The following FAT3 variants were observed in gnomAD, a reference collection of about 807,000 sequenced individuals.
FAT3 encodes protocadherin Fat 3.
In FAT3, 95 loss-of-function variants were observed where a neutral mutation model predicts 310.2. The ratio of observed to expected loss-of-function variants is 0.31; its 90% CI spans 0.26 to 0.36. The LOEUF (loss-of-function observed/expected upper bound fraction) is 0.36. FAT3 is among the 10% of genes least tolerant of loss of function. The probability of loss-of-function intolerance (pLI) is 1.00; values close to 1 mark genes in which losing one functional copy is unlikely to be tolerated. For missense variants in FAT3, 5,408 were observed against 5,715.6 expected (o/e 0.95, Z 1.74); for synonymous variants, 2,314 against 2,192.9 (o/e 1.06, Z -1.54).
intron 3 of FAT3, among the ~76,000 whole-genome samples, chr11:92,570,370 TTGTG>T (rs1016412440): frequency 1.3e-5 from 2 of 152,168 alleles, no homozygotes; most frequent in Admixed American, 1.3e-4. Context: ...CAATGAAGGA[TTGTG>T]TGTGAGACAG....
intron 22 of FAT3, among the ~76,000 whole-genome samples, chr11:92,876,436 A>G (rs555884461): frequency 6.6e-6 from 1 of 152,310 alleles, no homozygotes; most frequent in South Asian, 2.1e-4. Context: ...AAGCAAGCAT[A>G]CCTCAGACTT....
Position 92,762,181 on chromosome 11 carries a change from C to T in FAT3, c.3984+11C>T, listed in dbSNP as rs2136086791. On this transcript the variant is annotated intron_variant, in intron 5 of 27. Transcript: ENST00000525166. ...TATGACATCCTAACGGTAAGATCTT[C>T]CAAACTCCAGCAGCACAGCAGATGG... 6.2e-7 allele frequency: 1 copy of T among 1,601,610 alleles called. No homozygotes were observed. Among genetic ancestry groups the T allele is most frequent in the Non-Finnish European group, 8.5e-7 (1 of 1,172,762 alleles).
chr11:92,798,134 T>C lies in FAT3; in HGVS notation c.5121T>C (p.Asp1707=), dbSNP rs761768064. The part of the protein sequence containing the change: ...SQSTLIYEVK[D]GDINGIFTIN... ...CTACCCTCATTTATGAAGTCAAAGA[T>C]GGAGACATTAATGGGATCTTTACCA... Residue 1707 remains aspartate (D), a synonymous_variant, in exon 10 of 28, where the codon GAT becomes GAC. Transcript: ENST00000525166. The C allele has an allele frequency of 1.9e-6, 3 of 1,613,948 alleles. No individual in the cohort carries two copies. Among genetic ancestry groups the C allele is most frequent in the Admixed American group, 1.7e-5 (1 of 60,020 alleles).
chr11:92,271,654 G>A (rs1226209171), intron 1 of FAT3, among the ~76,000 whole-genome samples: 3 of 152,142 alleles, frequency 2.0e-5, no homozygotes, highest in Admixed American at 6.5e-5. Flanking sequence ...AATACTGATT[G>A]ACTGAGTGAC....
intron 1 of FAT3, among the ~76,000 whole-genome samples, chr11:92,313,333 A>G (rs1219437877): frequency 2.0e-5 from 3 of 152,094 alleles, no homozygotes; most frequent in African/African-American, 7.2e-5. Flanking sequence ...TTCTTCCACC[A>G]CTTCACAATA....
chr11:92,835,635 T>G (rs1948386723), intron 15 of FAT3, among the ~76,000 whole-genome samples: 1 of 152,184 alleles, frequency 6.6e-6, no homozygotes, highest in African/African-American at 2.4e-5. Context: ...AACATCACTT[T>G]GTACCCCATA....
intron 2 of FAT3, among the ~76,000 whole-genome samples, chr11:92,369,705 G>A (rs577310054): frequency 6.6e-6 from 1 of 152,052 alleles, no homozygotes; most frequent in Non-Finnish European, 1.5e-5. Flanking sequence ...AAATTAGCTA[G>A]GTATGGTAGC....
chr11:92,769,139 G>A (rs150306099), intron 6 of FAT3, among the ~76,000 whole-genome samples: 92 of 152,168 alleles, frequency 6.0e-4, no homozygotes, highest in Non-Finnish European at 1.1e-3. Flanking sequence ...CCCTTGCATC[G>A]AGGATCTGTC....
intron 3 of FAT3, among the ~76,000 whole-genome samples, chr11:92,587,687 C>T (rs1939223783): frequency 6.6e-6 from 1 of 151,896 alleles, no homozygotes. Context: ...TAGAATTTCT[C>T]ATCCTCAGGG....
chr11:92,647,223 A>G (rs1942201040), intron 3 of FAT3, among the ~76,000 whole-genome samples: 1 of 152,138 alleles, frequency 6.6e-6, no homozygotes, highest in African/African-American at 2.4e-5. Flanking sequence ...CTTTCCACAA[A>G]CTCAGTTGAG....
rs1406989898 is a variant in FAT3, at chr11:92,894,161, A to G, written c.*3048A>G. The G allele has an allele frequency of 6.6e-6, 1 of 152,182 alleles. No homozygotes were observed. Among genetic ancestry groups the G allele is most frequent in the African/African-American group, 2.4e-5 (1 of 41,444 alleles). The allele number at this position is 152,182 out of a possible 1,614,324, so 9.4% of individuals were successfully genotyped here. A position where few individuals can be genotyped will look rare whatever the true frequency, so the allele number is the denominator to read the frequency against. On this transcript the variant is annotated 3_prime_UTR_variant, in exon 28 of 28. Coordinates refer to ENST00000525166, the MANE Select transcript of FAT3 (RefSeq NM_001367949.2). ...AGAATATTTTTCTGAAAGCCTCATGATCTTATGTTTCCTTGCAGTCCCCCT... is the reference window on the plus strand; with the variant it reads ...AGAATATTTTTCTGAAAGCCTCATGGTCTTATGTTTCCTTGCAGTCCCCCT...
At chr11:92,835,120 T>C in intron 15 of FAT3, 36 bp downstream of exon 15, 1 of 1,549,948 alleles carries the variant, frequency 6.5e-7, no homozygotes, top group Non-Finnish European at 8.8e-7. Context: ...TCTAGATGTT[T>C]GGGACTAGTC....
intron 2 of FAT3, among the ~76,000 whole-genome samples, chr11:92,403,544 G>A (rs1476442394): frequency 6.6e-6 from 1 of 152,134 alleles, no homozygotes; most frequent in Non-Finnish European, 1.5e-5. Context: ...GTACAATATA[G>A]GAAGATATAA....
chr11:92,809,928 G>A lies in FAT3; in HGVS notation c.9333G>A (p.Arg3111=), dbSNP rs1388344926. The change falls in exon 13 of 28, where the codon AGG becomes AGA. Residue 3111 remains arginine (R), a synonymous_variant. Transcript: ENST00000525166. The part of the protein sequence containing the change: ...LMAKATDGGG[R]FCQSNIHLIL... The stretch of plus-strand genomic sequence containing the variant: ...CCAAGGCCACTGACGGGGGTGGCAG[G>A]TTCTGCCAGTCCAACATCCACCTAA... The A allele has an allele frequency of 2.5e-6, 4 of 1,613,802 alleles. No homozygotes were observed. Among genetic ancestry groups the A allele is most frequent in the African/African-American group, 1.3e-5 (1 of 74,946 alleles).
chr11:92,529,843 A>G (rs1336637792), intron 3 of FAT3, among the ~76,000 whole-genome samples: 2 of 152,096 alleles, frequency 1.3e-5, no homozygotes, highest in Non-Finnish European at 2.9e-5. Flanking sequence ...CTCCACTTGT[A>G]TTTGAGTAGA....
chr11:92,261,951 T>C (rs1865572875), intron 1 of FAT3, among the ~76,000 whole-genome samples: 1 of 152,102 alleles, frequency 6.6e-6, no homozygotes, highest in African/African-American at 2.4e-5. Context: ...GGTTTTCTTA[T>C]TTCTATGTTG....
Position 92,353,546 on chromosome 11 carries a change from T to C in FAT3, c.1434T>C (p.Asp478=). 6.2e-7 allele frequency: 1 copy of C among 1,613,784 alleles called. No individual in the cohort carries two copies. Among genetic ancestry groups the C allele is most frequent in the Non-Finnish European group, 8.5e-7 (1 of 1,179,856 alleles). Residue 478 remains aspartate (D), a synonymous_variant, in exon 2 of 28, where the codon GAT becomes GAC. Transcript: ENST00000525166. ...HTPEFQQPLY[D]AYVNESVPVG... ...CAGAATTTCAGCAACCACTGTATGA[T>C]GCTTATGTGAATGAAAGTGTCCCAG...
chr11:92,243,940 C>T (rs1347912835), intron 1 of FAT3, among the ~76,000 whole-genome samples: 1 of 152,064 alleles, frequency 6.6e-6, no homozygotes, highest in East Asian at 1.9e-4. Context: ...AGGAAAAGAA[C>T]ATCCGAATAA....
chr11:92,367,230 C>T (rs1949048585), intron 2 of FAT3: 2 of 290,908 alleles, frequency 6.9e-6, no homozygotes, highest in East Asian at 7.1e-5. Context: ...GGTGGATCAG[C>T]ACCAGCTTGT....
Sources: allele counts gnomAD v4.1 joint callset (sites outside exome capture counted in the v4.1 genomes callset), GRCh38; gene constraint gnomAD v4.1.1; transcripts MANE v1.5; gene names NCBI Gene and HGNC (gene_info 2026-07-23, HGNC 2026-07-21).